Variants in CTNNA2 observed in about 807,000 individuals in gnomAD.
CTNNA2 encodes the protein catenin alpha-2.
A neutral mutation model predicts 101.0 loss-of-function variants in CTNNA2; 42 were observed. The observed-to-expected ratio is 0.42, with a 90% CI of 0.32 to 0.54. The LOEUF (loss-of-function observed/expected upper bound fraction) is 0.54, where lower values mean the gene tolerates loss of function less well. Among genes scored for constraint, CTNNA2 ranks in the 20% least tolerant of loss-of-function variants. The pLI, the probability that CTNNA2 is intolerant of heterozygous loss-of-function variation, is 0.14. For synonymous variants in CTNNA2, 450 were observed against 456.4 expected, an observed-to-expected ratio of 0.99 and a Z score of 0.18; for missense variants, 871 against 1,223.1, an observed-to-expected ratio of 0.71 and a Z score of 4.29.
At chr2:79,198,646 T>A (rs942469027) in intron 2 of CTNNA2, among the ~76,000 whole-genome samples, 2 of 152,214 alleles carry the variant, frequency 1.3e-5, no homozygotes, top group Admixed American at 1.3e-4. Flanking sequence ...TTCTACCATA[T>A]AGCTCTTTTG....
chr2:80,132,209 G>T (rs909621522), intron 7 of CTNNA2, among the ~76,000 whole-genome samples: 1 of 152,128 alleles, frequency 6.6e-6, no homozygotes, highest in Non-Finnish European at 1.5e-5. Flanking sequence ...CACTTTGGAG[G>T]AGAAGAGTAG....
intron 7 of CTNNA2, among the ~76,000 whole-genome samples, chr2:80,012,112 G>T (rs913847615): frequency 6.6e-6 from 1 of 152,074 alleles, no homozygotes; most frequent in African/African-American, 2.4e-5. Flanking sequence ...CCCTCCCTTT[G>T]TAACCTCTCT....
chr2:79,671,906 A>T (rs1011862701), intron 2 of CTNNA2, among the ~76,000 whole-genome samples: 2 of 152,234 alleles, frequency 1.3e-5, no homozygotes, highest in Admixed American at 6.5e-5. Flanking sequence ...CTGTAGGCAG[A>T]TTAACAATAT....
chr2:79,891,880 TA>T (rs1208320735), intron 6 of CTNNA2, among the ~76,000 whole-genome samples: 1 of 152,108 alleles, frequency 6.6e-6, no homozygotes. Context: ...TGACTGTGAA[TA>T]TTTTTTCCTA....
At chr2:79,742,278 C>T (rs1019165433) in intron 2 of CTNNA2, among the ~76,000 whole-genome samples, 3 of 151,994 alleles carry the variant, frequency 2.0e-5, no homozygotes, top group African/African-American at 7.3e-5. Context: ...CCAGCTTCTA[C>T]TCCTTTGAAA....
intron 7 of CTNNA2, among the ~76,000 whole-genome samples, chr2:80,203,202 G>C (rs1707317910): frequency 6.6e-6 from 1 of 152,098 alleles, no homozygotes; most frequent in Admixed American, 6.6e-5. Flanking sequence ...TTCTGTCCCT[G>C]GCCCCTCTCA....
rs539641935 is a variant in CTNNA2 at position 79,251,182 on chromosome 2, G to A, written c.-406+53106G>A. ...CATTTTTGGGATGTGGTCAGCAAGA[G>A]GAGTGTTGAGATTTTACCTCATTGC... On this transcript the variant is annotated intron_variant, in intron 2 of 21. Transcript: ENST00000466387. 3.9e-5 allele frequency among the ~76,000 whole-genome samples: 6 copies of A among 152,264 alleles called. No homozygotes were observed. In the South Asian group the frequency reaches 1.2e-3, roughly 32 times the overall value.
At chr2:79,235,759 G>T (rs1378728570) in intron 2 of CTNNA2, among the ~76,000 whole-genome samples, 1 of 152,206 alleles carries the variant, frequency 6.6e-6, no homozygotes, top group Non-Finnish European at 1.5e-5. Context: ...CTAATCTGCT[G>T]TCCGGATGCT....
intron 9 of CTNNA2, among the ~76,000 whole-genome samples, chr2:80,509,505 T>C (rs921142209): frequency 4.6e-5 from 7 of 152,154 alleles, no homozygotes; most frequent in African/African-American, 1.7e-4. Context: ...ATCTAACATA[T>C]TGAGCTCAGA....
At chr2:80,467,891 C>T (rs1684986641) in intron 9 of CTNNA2, among the ~76,000 whole-genome samples, 1 of 152,162 alleles carries the variant, frequency 6.6e-6, no homozygotes, top group South Asian at 2.1e-4. Flanking sequence ...CCCTGGACTT[C>T]CCAGCCTCTA....
At chr2:80,545,520 T>C (rs1358123118) in intron 10 of CTNNA2, among the ~76,000 whole-genome samples, 2 of 152,142 alleles carry the variant, frequency 1.3e-5, no homozygotes, top group African/African-American at 4.8e-5. Context: ...TACTCTCCAC[T>C]CCTGTTGACT....
intron 4 of CTNNA2, chr2:79,494,018 T>C (rs1001479259): frequency 6.6e-6 from 1 of 152,108 alleles, no homozygotes; most frequent in Admixed American, 6.5e-5. Context: ...TGTATTTCTA[T>C]ATATTAACAA....
At chr2:79,804,745 T>C (rs2105312093) in intron 3 of CTNNA2, among the ~76,000 whole-genome samples, 1 of 152,326 alleles carries the variant, frequency 6.6e-6, no homozygotes, top group African/African-American at 2.4e-5. Flanking sequence ...AGACCATGGA[T>C]TAGAGATTGA....
At chr2:80,306,520 C>T (rs1401924542) in intron 7 of CTNNA2, among the ~76,000 whole-genome samples, 1 of 151,398 alleles carries the variant, frequency 6.6e-6, no homozygotes, top group African/African-American at 2.4e-5. Flanking sequence ...CTCTTGCTGC[C>T]TACCTAACTC....
intron 7 of CTNNA2, among the ~76,000 whole-genome samples, chr2:79,944,573 G>A (rs1459849049): frequency 1.3e-5 from 2 of 152,170 alleles, no homozygotes; most frequent in East Asian, 3.9e-4. Context: ...TGACCACAAA[G>A]TACAGTGCAG....
At chr2:79,632,067 G>C (rs1679733148) in intron 1 of CTNNA2, among the ~76,000 whole-genome samples, 1 of 152,138 alleles carries the variant, frequency 6.6e-6, no homozygotes, top group African/African-American at 2.4e-5. Context: ...AGTCGCAGTG[G>C]TTTTAGATGT....
chr2:79,617,809 C>T (rs1382397644), intron 1 of CTNNA2, among the ~76,000 whole-genome samples: 1 of 152,112 alleles, frequency 6.6e-6, no homozygotes, highest in Non-Finnish European at 1.5e-5. Flanking sequence ...GGTGCCCAGC[C>T]TCCTCTTGTT....
At chr2:80,277,150 A>G (rs1450777304) in intron 7 of CTNNA2, among the ~76,000 whole-genome samples, 1 of 152,174 alleles carries the variant, frequency 6.6e-6, no homozygotes, top group Non-Finnish European at 1.5e-5. Flanking sequence ...AGGAACAACC[A>G]AATGGGGAAA....
chr2:79,672,400 G>T (rs1682900136), intron 2 of CTNNA2, among the ~76,000 whole-genome samples: 1 of 152,006 alleles, frequency 6.6e-6, no homozygotes, highest in Non-Finnish European at 1.5e-5. Context: ...AATAGAACAT[G>T]AATAGAAATG....
Sources: allele counts gnomAD v4.1 joint callset (sites outside exome capture counted in the v4.1 genomes callset), GRCh38; gene constraint gnomAD v4.1.1; transcripts MANE v1.5; gene names NCBI Gene and HGNC (gene_info 2026-07-23, HGNC 2026-07-21).